Variants in STPG2 observed in about 807,000 individuals in gnomAD.
STPG2 encodes sperm tail PG-rich repeat containing 2.
Under a neutral mutation model 54.2 loss-of-function variants are expected in STPG2, and 56 were observed. That is an observed-to-expected ratio of 1.03 (90% confidence interval 0.83 to 1.29). The LOEUF (loss-of-function observed/expected upper bound fraction) is 1.29, where lower values mean the gene tolerates loss of function less well. STPG2 is among the 50% of genes most tolerant of loss of function. The pLI, the probability that STPG2 is intolerant of heterozygous loss-of-function variation, is 0.00. For synonymous variants in STPG2, 200 were observed against 181.8 expected (o/e 1.10, Z -0.81); for missense variants, 596 against 544.9 (o/e 1.09, Z -0.93).
chr4:97,465,391 T>C (rs1729763973), intron 4 of STPG2, among the ~76,000 whole-genome samples: 1 of 152,190 alleles, frequency 6.6e-6, no homozygotes, highest in South Asian at 2.1e-4. Context: ...ACTTTCAAGC[T>C]CTTTATATAT....
intron 8 of STPG2, among the ~76,000 whole-genome samples, chr4:97,895,116 A>T (rs1281273151): frequency 1.3e-5 from 2 of 151,856 alleles, no homozygotes; most frequent in East Asian, 3.9e-4. Flanking sequence ...TTCAATCTAG[A>T]TATAGGGCCA....
At chr4:97,524,145 T>C (rs1355594428) in intron 4 of STPG2, among the ~76,000 whole-genome samples, 1 of 151,824 alleles carries the variant, frequency 6.6e-6, no homozygotes, top group African/African-American at 2.4e-5. Flanking sequence ...ATGTAAGAGG[T>C]CTGTCTATCT....
chr4:98,112,635 C>G (rs939508939), intron 3 of STPG2, among the ~76,000 whole-genome samples: 4 of 152,062 alleles, frequency 2.6e-5, no homozygotes, highest in Non-Finnish European at 4.4e-5. Flanking sequence ...CAAACGTGTA[C>G]AGAAAATTAT....
chr4:97,580,485 C>T (rs1732835398), intron 10 of STPG2, among the ~76,000 whole-genome samples: 1 of 151,840 alleles, frequency 6.6e-6, no homozygotes, highest in Admixed American at 6.6e-5. Context: ...TGGTTTCCTA[C>T]ATAGATTATT....
intron 1 of STPG2, among the ~76,000 whole-genome samples, chr4:98,139,450 T>C (rs1375717600): frequency 1.3e-5 from 2 of 152,180 alleles, no homozygotes; most frequent in Non-Finnish European, 2.9e-5. Flanking sequence ...CCTACATCTG[T>C]TCTTCTCACA....
intron 9 of STPG2, among the ~76,000 whole-genome samples, chr4:97,759,615 G>C (rs557880253): frequency 7.9e-5 from 12 of 152,220 alleles, no homozygotes; most frequent in African/African-American, 2.9e-4. Flanking sequence ...AGAAAAGAAG[G>C]TTGGAGGATT....
intron 5 of STPG2, among the ~76,000 whole-genome samples, chr4:97,998,495 A>G (rs778882685): frequency 5.9e-5 from 9 of 152,130 alleles, no homozygotes; most frequent in Non-Finnish European, 1.0e-4. Flanking sequence ...CAGAAAAACT[A>G]CCTAAGCCCA....
chr4:97,916,438 A>G (rs773278400), intron 8 of STPG2: 3 of 152,668 alleles, frequency 2.0e-5, no homozygotes, highest in Non-Finnish European at 4.4e-5. Flanking sequence ...CTTGAAAACC[A>G]TTCCAACATA....
At chr4:97,515,185 C>A (rs1188188639) in intron 4 of STPG2, among the ~76,000 whole-genome samples, 1 of 152,038 alleles carries the variant, frequency 6.6e-6, no homozygotes, top group Non-Finnish European at 1.5e-5. Flanking sequence ...TAAGAATTTG[C>A]ACGCTTGTAA....
chr4:97,693,077 C>A (rs989474469), intron 10 of STPG2, among the ~76,000 whole-genome samples: 2 of 151,180 alleles, frequency 1.3e-5, no homozygotes, highest in Non-Finnish European at 2.9e-5. Context: ...TTAAAATACA[C>A]CAAAATAGAA....
intron 9 of STPG2, among the ~76,000 whole-genome samples, chr4:97,721,959 A>C (rs1333994148): frequency 1.3e-5 from 2 of 152,002 alleles, no homozygotes; most frequent in African/African-American, 4.8e-5. Context: ...TTGACATGAA[A>C]TATATCAATA....
chr4:98,019,085 T>C (rs1229831686), intron 5 of STPG2, among the ~76,000 whole-genome samples: 1 of 152,164 alleles, frequency 6.6e-6, no homozygotes, highest in Non-Finnish European at 1.5e-5. Flanking sequence ...AGACATGAAG[T>C]CCTTGCCCAT....
intron 8 of STPG2, among the ~76,000 whole-genome samples, chr4:97,856,008 C>T (rs1487911960): frequency 6.6e-6 from 1 of 151,780 alleles, no homozygotes; most frequent in Non-Finnish European, 1.5e-5. Flanking sequence ...GTTCTCTATT[C>T]TGTTCTATTC....
intron 5 of STPG2, among the ~76,000 whole-genome samples, chr4:98,102,674 T>C (rs570118645): frequency 1.3e-5 from 2 of 152,074 alleles, no homozygotes; most frequent in Admixed American, 1.3e-4. Context: ...TCTAAGAATA[T>C]GCTCCCCCCA....
intron 3 of STPG2, among the ~76,000 whole-genome samples, chr4:98,127,938 T>C (rs1210453602): frequency 2.6e-5 from 4 of 152,252 alleles, no homozygotes; most frequent in Non-Finnish European, 5.9e-5. Flanking sequence ...ATAATATCTA[T>C]GTATTATTTA....
chr4:98,011,295 C>T (rs1367386330), intron 5 of STPG2, among the ~76,000 whole-genome samples: 1 of 152,134 alleles, frequency 6.6e-6, no homozygotes, highest in Non-Finnish European at 1.5e-5. Context: ...TGTTCTCATT[C>T]CTTTTCAAGG....
chr4:97,903,366 A>G (rs776001503), intron 8 of STPG2, among the ~76,000 whole-genome samples: 1 of 152,166 alleles, frequency 6.6e-6, no homozygotes, highest in Non-Finnish European at 1.5e-5. Flanking sequence ...TTTATTTGTC[A>G]ATTACACTTC....
At chr4:97,514,612 A>G (rs1274371690) in intron 4 of STPG2, among the ~76,000 whole-genome samples, 3 of 152,172 alleles carry the variant, frequency 2.0e-5, no homozygotes, top group Non-Finnish European at 2.9e-5. Flanking sequence ...AATCATTTAC[A>G]TATATCCTTA....
intron 1 of STPG2, 107 bp from the exon 2 acceptor site, chr4:98,134,566 T>A: frequency 4.3e-6 from 2 of 461,798 alleles, no homozygotes; most frequent in Non-Finnish European, 7.1e-6. Flanking sequence ...TTGTTAAGAC[T>A]TTATTTTCAG....
Sources: gnomAD v4.1 joint callset for allele counts (sites outside exome capture counted in the v4.1 genomes callset) on GRCh38, gnomAD v4.1.1 for gene constraint, MANE v1.5 for transcripts, NCBI Gene and HGNC (gene_info 2026-07-23, HGNC 2026-07-21) for gene names.